The following C1orf21 variants were observed in gnomAD, a reference collection of about 807,000 sequenced individuals.
C1orf21 encodes the protein chromosome 1 open reading frame 21.
A neutral mutation model predicts 18.7 loss-of-function variants in C1orf21; 3 were observed. That is an observed-to-expected ratio of 0.16 (90% CI 0.07 to 0.42). C1orf21 has a LOEUF of 0.42. Ranked by LOEUF, C1orf21 falls within the 10% of genes least tolerant of loss-of-function variation. C1orf21 has a pLI of 0.99. For synonymous variants in C1orf21, 41 were observed against 46.4 expected, an observed-to-expected ratio of 0.88 and a Z score of 0.47; for missense variants, 104 against 143.6, an observed-to-expected ratio of 0.72 and a Z score of 1.41.
At chr1:184,481,730 A>G (rs1657661425) in intron 2 of C1orf21, among the ~76,000 whole-genome samples, 1 of 152,204 alleles carries the variant, frequency 6.6e-6, no homozygotes, top group Non-Finnish European at 1.5e-5. Flanking sequence ...TCTCTCTAAC[A>G]TAAATATTAG....
At chr1:184,610,830 G>T (rs1659724276) in intron 5 of C1orf21, among the ~76,000 whole-genome samples, 1 of 146,046 alleles carries the variant, frequency 6.8e-6, no homozygotes, top group Non-Finnish European at 1.5e-5. Flanking sequence ...CTGAGCAACA[G>T]AGCGAGACTC....
At chr1:184,602,326 G>A (rs888571522) in intron 5 of C1orf21, among the ~76,000 whole-genome samples, 4 of 152,220 alleles carry the variant, frequency 2.6e-5, no homozygotes, top group Non-Finnish European at 5.9e-5. Flanking sequence ...GAGACAGATT[G>A]TCAGGAGAGC....
At chr1:184,463,331 C>A (rs1657336888) in intron 1 of C1orf21, among the ~76,000 whole-genome samples, 1 of 151,974 alleles carries the variant, frequency 6.6e-6, no homozygotes, top group Non-Finnish European at 1.5e-5. Context: ...TAAATTTTCT[C>A]TTCTATTCAT....
chr1:184,608,611 A>G (rs1659684570), intron 5 of C1orf21, among the ~76,000 whole-genome samples: 1 of 152,218 alleles, frequency 6.6e-6, no homozygotes, highest in Non-Finnish European at 1.5e-5. Context: ...CCTGTGTTTC[A>G]TAATTCAGTA....
intron 3 of C1orf21, among the ~76,000 whole-genome samples, chr1:184,547,656 G>C (rs1293865794): frequency 1.3e-5 from 2 of 151,790 alleles, no homozygotes; most frequent in Non-Finnish European, 2.9e-5. Flanking sequence ...AGCCAAATGT[G>C]TTTTCTCTTT....
rs899515083 is a variant in C1orf21 at position 184,533,769 on chromosome 1, A to C, written c.189+26087A>C. 5.9e-5 allele frequency among the ~76,000 whole-genome samples: 9 copies of C among 152,390 alleles called. No individual in the cohort carries two copies. The East Asian group carries it at 1.7e-3, about 29-fold the overall frequency. On this transcript the variant is annotated intron_variant, in intron 3 of 5. Coordinates refer to ENST00000235307, the MANE Select transcript of C1orf21 (RefSeq NM_030806.4). ...CTTCAGGAAAGGGTGAATGGATGCCAGCCAGTTCCACAGGAGGCCCTGGCC... is the reference window on the plus strand; with the variant it reads ...CTTCAGGAAAGGGTGAATGGATGCCCGCCAGTTCCACAGGAGGCCCTGGCC...
chr1:184,574,286 A>C (rs1357539213), intron 3 of C1orf21, among the ~76,000 whole-genome samples: 1 of 152,120 alleles, frequency 6.6e-6, no homozygotes, highest in Non-Finnish European at 1.5e-5. Context: ...ATTCTAAGTG[A>C]TTGTGAAAAC....
chr1:184,424,965 A>C (rs1656610564), intron 1 of C1orf21, among the ~76,000 whole-genome samples: 1 of 152,178 alleles, frequency 6.6e-6, no homozygotes, highest in South Asian at 2.1e-4. Context: ...GCAGAGTCAG[A>C]TGTTCTCCAT....
intron 3 of C1orf21, among the ~76,000 whole-genome samples, chr1:184,568,682 T>G (rs1659067636): frequency 6.6e-6 from 1 of 152,202 alleles, no homozygotes; most frequent in Non-Finnish European, 1.5e-5. Flanking sequence ...ATGGTGCCCA[T>G]GCACTGGGGT....
chr1:184,519,924 T>C (rs1658282455), intron 3 of C1orf21, among the ~76,000 whole-genome samples: 2 of 152,190 alleles, frequency 1.3e-5, no homozygotes. Flanking sequence ...TTGGTAGTTC[T>C]GAAAATGGAG....
intron 1 of C1orf21, among the ~76,000 whole-genome samples, chr1:184,392,551 T>G (rs887788260): frequency 1.3e-5 from 2 of 152,066 alleles, no homozygotes; most frequent in African/African-American, 4.8e-5. Flanking sequence ...ACACAATATA[T>G]CCATGTCACA....
At chr1:184,485,969 A>G (rs2101994244) in intron 2 of C1orf21, among the ~76,000 whole-genome samples, 1 of 152,360 alleles carries the variant, frequency 6.6e-6, no homozygotes, top group Middle Eastern at 3.4e-3. Flanking sequence ...ATAAAAGCTG[A>G]GAAATTTAAG....
rs746819073 is a variant in C1orf21 at position 184,623,469 on chromosome 1, G to C, written c.*3913G>C. The C allele has an allele frequency of 6.6e-6, 1 of 152,090 alleles. No individual in the cohort carries two copies. The highest frequency in any genetic ancestry group is 1.5e-5 in the Non-Finnish European group (1 of 68,026). The allele number at this position is 152,090 out of a possible 1,614,324, so 9.4% of individuals were successfully genotyped here. ...ATGTCTTCGTACCTCTCAGAGATTGGACTTTTTCTTGTTTAAAACCCCAAC... is the reference window on the plus strand; with the variant it reads ...ATGTCTTCGTACCTCTCAGAGATTGCACTTTTTCTTGTTTAAAACCCCAAC... On this transcript the variant is annotated 3_prime_UTR_variant, in exon 6 of 6. Coordinates refer to ENST00000235307, the MANE Select transcript of C1orf21 (RefSeq NM_030806.4).
chr1:184,439,538 G>T lies in C1orf21; in HGVS notation c.-124-37848G>T, dbSNP rs144955765. On this transcript the variant is annotated intron_variant, in intron 1 of 5. Transcript: ENST00000235307. ...TACAAGACACCAGAGAAGTCAGAGA[G>T]AACATTTTTTGAGAGACTTTGCAAT... 1.2e-3 allele frequency among the ~76,000 whole-genome samples: 186 copies of T among 152,162 alleles called. 2 individuals are homozygous for T. The highest frequency in any genetic ancestry group is 8.5e-3 in the East Asian group (44 of 5,172).
At chr1:184,555,731 G>A (rs1658869315) in intron 3 of C1orf21, among the ~76,000 whole-genome samples, 2 of 152,004 alleles carry the variant, frequency 1.3e-5, no homozygotes, top group South Asian at 2.1e-4. Flanking sequence ...GGTGGGAGGC[G>A]TAACTAAATC....
chr1:184,443,940 C>A (rs1656990139), intron 1 of C1orf21, among the ~76,000 whole-genome samples: 1 of 152,084 alleles, frequency 6.6e-6, no homozygotes, highest in Admixed American at 6.6e-5. Context: ...TTTTCCATAG[C>A]GACCAGAAGC....
chr1:184,505,025 G>T (rs538479893), intron 2 of C1orf21, among the ~76,000 whole-genome samples: 1 of 152,132 alleles, frequency 6.6e-6, no homozygotes, highest in East Asian at 1.9e-4. Context: ...GTAATAGTTT[G>T]TCCACTACCT....
intron 1 of C1orf21, among the ~76,000 whole-genome samples, chr1:184,435,497 C>T (rs946671961): frequency 2.6e-5 from 4 of 152,128 alleles, no homozygotes; most frequent in South Asian, 2.1e-4. Flanking sequence ...ACATGCACCA[C>T]CATGCCCAGC....
At chr1:184,493,226 G>C (rs1657843973) in intron 2 of C1orf21, among the ~76,000 whole-genome samples, 1 of 152,202 alleles carries the variant, frequency 6.6e-6, no homozygotes, top group Non-Finnish European at 1.5e-5. Flanking sequence ...GAAGATGCCT[G>C]CTGGAGAGGA....
Sources: gnomAD v4.1 joint callset for allele counts (sites outside exome capture counted in the v4.1 genomes callset) on GRCh38, gnomAD v4.1.1 for gene constraint, MANE v1.5 for transcripts, NCBI Gene and HGNC (gene_info 2026-07-23, HGNC 2026-07-21) for gene names.